Variants in HNF4A observed in about 807,000 individuals in gnomAD.
HNF4A encodes the protein hepatocyte nuclear factor 4 alpha, also known as hepatocyte nuclear factor 4-alpha.
In HNF4A, 15 loss-of-function variants were observed where a neutral mutation model predicts 52.4. The ratio of observed to expected loss-of-function variants is 0.29; its 90% CI spans 0.19 to 0.44. HNF4A has a LOEUF of 0.44. Among genes scored for constraint, HNF4A ranks in the 20% least tolerant of loss-of-function variants. The pLI is 1.00. For synonymous variants in HNF4A, 280 were observed against 264.4 expected (o/e 1.06, Z -0.57); for missense variants, 479 against 647.2 (o/e 0.74, Z 2.82).
In HNF4A at chr20:44,414,681, G is replaced by A. The variant is rs758079179; in HGVS notation, c.648+19G>A. On this transcript the variant is annotated intron_variant, in intron 5 of 9. Transcript: ENST00000316099. ...CGACCAGGTGAGGATGGGCGTGGAT[G>A]GTGGGCAGTAGTGGGCAGTGGGCGG... is the stretch of plus-strand genomic sequence containing the variant. 5 of 1,588,550 alleles carry A rather than the reference G, an allele frequency of 3.1e-6. No individual in the cohort carries two copies. The highest frequency in any genetic ancestry group is 1.1e-5 in the South Asian group (1 of 88,146).
rs377246937 is a variant in HNF4A at position 44,383,173 on chromosome 20, A to AG, written c.50-22885_50-22884insG. Among the ~76,000 whole-genome samples the AG allele has an allele frequency of 2.0e-4, 31 of 152,292 alleles. No homozygotes were observed. The East Asian group carries it at 2.1e-3, about 10-fold the overall frequency. ...TGACAGAGACCCTGTCTCAAAAAAAACAAACAATAATTCACCAAATCTATT... is the reference window on the plus strand; with the variant it reads ...TGACAGAGACCCTGTCTCAAAAAAAAGCAAACAATAATTCACCAAATCTATT... On this transcript the variant is annotated intron_variant, in intron 1 of 9. Transcript: ENST00000316673.
intron 3 of HNF4A, among the ~76,000 whole-genome samples, chr20:44,411,721 T>C (rs1000943651): frequency 2.6e-5 from 4 of 152,208 alleles, no homozygotes; most frequent in African/African-American, 9.7e-5. Flanking sequence ...GAAAGTTGAA[T>C]AGCTGGGGTG....
intron 7 of HNF4A, among the ~76,000 whole-genome samples, chr20:44,423,241 A>G (rs1217428050): frequency 6.6e-6 from 1 of 152,036 alleles, no homozygotes; most frequent in Non-Finnish European, 1.5e-5. Flanking sequence ...GCTTGAACCC[A>G]GGAGGCAGAG....
At chr20:44,409,596 G>T (rs956836213) in intron 3 of HNF4A, among the ~76,000 whole-genome samples, 1 of 152,204 alleles carries the variant, frequency 6.6e-6, no homozygotes, top group Non-Finnish European at 1.5e-5. Context: ...CCTCCACTGC[G>T]TGTGGCCTGG....
chr20:44,367,335 CAAAAA>C (rs1211796695), intron 1 of HNF4A, among the ~76,000 whole-genome samples: 1 of 80,458 alleles, frequency 1.2e-5, no homozygotes, highest in Admixed American at 1.4e-4. Context: ...AACTCTGTCT[CAAAAA>C]AAAAAAAAAA....
chr20:44,356,642 A>G (rs910449961), intron 1 of HNF4A, among the ~76,000 whole-genome samples: 2 of 152,246 alleles, frequency 1.3e-5, no homozygotes, highest in African/African-American at 4.8e-5. Flanking sequence ...AGTTGCTGAT[A>G]GCGAAACGGA....
In HNF4A at chr20:44,432,733, C is replaced by T. The variant is rs753843962; in HGVS notation, c.*3068C>T. 1.4e-4 allele frequency: 21 copies of T among 152,110 alleles called. No individual in the cohort carries two copies. The highest frequency in any genetic ancestry group is 1.5e-5 in the Non-Finnish European group (1 of 68,022). The allele number at this position is 152,110 out of a possible 1,614,324, so 9.4% of individuals were successfully genotyped here. On this transcript the variant is annotated 3_prime_UTR_variant, in exon 10 of 10. Transcript: ENST00000316099. The stretch of plus-strand genomic sequence containing the variant: ...ATGTCATTAGGTCTTGCGCTGACCC[C>T]TGAGCCCCCATCACTGCCGCCTGAT...
At chr20:44,425,376 G>A (rs1350910313) in intron 8 of HNF4A, among the ~76,000 whole-genome samples, 2 of 152,220 alleles carry the variant, frequency 1.3e-5, no homozygotes, top group Non-Finnish European at 1.5e-5. Context: ...GATGGATGAT[G>A]GAGGCTTGGA....
intron 3 of HNF4A, among the ~76,000 whole-genome samples, chr20:44,412,059 A>G (rs2063591994): frequency 6.6e-6 from 1 of 150,928 alleles, no homozygotes; most frequent in East Asian, 1.9e-4. Context: ...CCCATCTCGA[A>G]AAAAAAAAAG....
intron 8 of HNF4A, among the ~76,000 whole-genome samples, chr20:44,425,589 A>T (rs2063805649): frequency 1.3e-5 from 2 of 151,064 alleles, no homozygotes; most frequent in Admixed American, 6.6e-5. Context: ...ACAACAAGAC[A>T]CTGGGTCTGG....
intron 1 of HNF4A, among the ~76,000 whole-genome samples, chr20:44,385,572 A>C (rs574493468): frequency 6.8e-6 from 1 of 147,796 alleles, no homozygotes; most frequent in Admixed American, 6.7e-5. Context: ...AGGTTCAAGC[A>C]ATTCTCCTGC....
intron 9 of HNF4A, among the ~76,000 whole-genome samples, chr20:44,428,857 G>A (rs1188656725): frequency 2.6e-5 from 4 of 152,130 alleles, no homozygotes; most frequent in African/African-American, 7.2e-5. Flanking sequence ...CTACCCATTG[G>A]GTCAGGATGT....
At chr20:44,426,786 G>A (rs368258976) in intron 8 of HNF4A, among the ~76,000 whole-genome samples, 1 of 152,146 alleles carries the variant, frequency 6.6e-6, no homozygotes, top group Admixed American at 6.5e-5. Context: ...CAGCGTGGGC[G>A]ACAGAACAAG....
At position 44,406,594 on chromosome 20, in the gene HNF4A, G is replaced by A. The variant is rs2063504218; in HGVS notation, c.290+362G>A. 2.6e-5 allele frequency among the ~76,000 whole-genome samples: 4 copies of A among 152,146 alleles called. No homozygotes were observed. In the South Asian group the frequency reaches 8.3e-4, roughly 32 times the overall value. ...GTCTTCCAGTCTGGTGCTGTTTTTGGGACAAATAGGAGATTGACCCCAGGC... is the reference window on the plus strand; with the variant it reads ...GTCTTCCAGTCTGGTGCTGTTTTTGAGACAAATAGGAGATTGACCCCAGGC... On this transcript the variant is annotated intron_variant, in intron 2 of 9. Coordinates refer to ENST00000316099, the MANE Select transcript of HNF4A (RefSeq NM_000457.6).
chr20:44,370,278 C>T (rs889638479), intron 1 of HNF4A, among the ~76,000 whole-genome samples: 4 of 152,206 alleles, frequency 2.6e-5, no homozygotes, highest in Non-Finnish European at 1.5e-5. Flanking sequence ...CTGCCCGCCT[C>T]GGCCTCCCGA....
chr20:44,418,024 C>T (rs945528898), intron 5 of HNF4A, among the ~76,000 whole-genome samples: 1 of 151,720 alleles, frequency 6.6e-6, no homozygotes, highest in Non-Finnish European at 1.5e-5. Context: ...TCATAATTCT[C>T]CATAGCTGGT....
intron 1 of HNF4A, among the ~76,000 whole-genome samples, chr20:44,375,328 C>T (rs570912347): frequency 7.7e-4 from 117 of 152,044 alleles, no homozygotes; most frequent in African/African-American, 2.8e-3. Context: ...ATTCAGAGTT[C>T]GCAAATATTT....
intron 1 of HNF4A, among the ~76,000 whole-genome samples, chr20:44,365,157 T>G (rs1166498651): frequency 6.6e-6 from 1 of 152,090 alleles, no homozygotes; most frequent in Non-Finnish European, 1.5e-5. Context: ...GTATCTTTTT[T>G]TTTTGGTTTG....
At chr20:44,359,919 G>A (rs865914003) in intron 1 of HNF4A, among the ~76,000 whole-genome samples, 22 of 152,190 alleles carry the variant, frequency 1.4e-4, no homozygotes, top group African/African-American at 4.3e-4. Flanking sequence ...GAGTAACTCT[G>A]AGGATGAGAT....
Sources: gnomAD v4.1 joint callset for allele counts (sites outside exome capture counted in the v4.1 genomes callset) on GRCh38, gnomAD v4.1.1 for gene constraint, MANE v1.5 for transcripts, NCBI Gene and HGNC (gene_info 2026-07-23, HGNC 2026-07-21) for gene names.